Variants in ARHGAP24 observed in about 807,000 individuals in gnomAD.
ARHGAP24 encodes the protein Rho GTPase activating protein 24, also known as rho GTPase-activating protein 24.
ARHGAP24 carries 50 observed loss-of-function variants against 76.4 expected under a neutral mutation model. That is an observed-to-expected ratio of 0.65 (90% CI 0.52 to 0.83). ARHGAP24 has a LOEUF of 0.83. Among genes scored for constraint, ARHGAP24 ranks in the 40% least tolerant of loss-of-function variants. The probability of loss-of-function intolerance (pLI) is 0.00; values close to 1 mark genes in which losing one functional copy is unlikely to be tolerated. For missense variants in ARHGAP24, 930 were observed against 914.2 expected (o/e 1.02, Z -0.22); for synonymous variants, 345 against 323.3 (o/e 1.07, Z -0.72).
At chr4:85,642,122 C>A (rs1721546726) in intron 2 of ARHGAP24, among the ~76,000 whole-genome samples, 1 of 152,022 alleles carries the variant, frequency 6.6e-6, no homozygotes, top group South Asian at 2.1e-4. Context: ...TGTAAAATTT[C>A]TTTACAGCCA....
At chr4:85,829,806 T>C (rs139741626) in intron 3 of ARHGAP24, among the ~76,000 whole-genome samples, 1 of 152,348 alleles carries the variant, frequency 6.6e-6, no homozygotes, top group African/African-American at 2.4e-5. Context: ...GTGGCATCCA[T>C]GTGAACCCAT....
intron 3 of ARHGAP24, among the ~76,000 whole-genome samples, chr4:85,848,062 A>G (rs775415098): frequency 6.6e-6 from 1 of 152,190 alleles, no homozygotes; most frequent in Non-Finnish European, 1.5e-5. Context: ...TTCACCACAC[A>G]ATCTATACAG....
At chr4:85,977,790 T>G in intron 8 of ARHGAP24, 99 bp downstream of exon 8, 2 of 1,408,560 alleles carry the variant, frequency 1.4e-6, no homozygotes, top group Non-Finnish European at 2.0e-6. Flanking sequence ...AGGTAATAAG[T>G]GAATACATGG....
chr4:85,920,953 G>A (rs1001361242), intron 3 of ARHGAP24, among the ~76,000 whole-genome samples: 2 of 152,262 alleles, frequency 1.3e-5, no homozygotes, highest in Non-Finnish European at 2.9e-5. Flanking sequence ...GTTCAACAAT[G>A]TGGAAGACAG....
chr4:85,601,728 AAATT>A (rs1560548193), intron 2 of ARHGAP24, among the ~76,000 whole-genome samples: 1 of 152,036 alleles, frequency 6.6e-6, no homozygotes, highest in African/African-American at 2.4e-5. Flanking sequence ...CAAATATTTT[AAATT>A]AATTAATTAA....
chr4:85,662,384 T>TTTGTTTGA (rs1358758013), intron 2 of ARHGAP24, among the ~76,000 whole-genome samples: 1 of 150,956 alleles, frequency 6.6e-6, no homozygotes, highest in African/African-American at 2.5e-5. Flanking sequence ...TTATTGTAAA[T>TTTGTTTGA]TTGTTTGAGT....
At chr4:85,537,350 T>C (rs1456264979) in intron 1 of ARHGAP24, among the ~76,000 whole-genome samples, 1 of 152,140 alleles carries the variant, frequency 6.6e-6, no homozygotes, top group Non-Finnish European at 1.5e-5. Context: ...CCATTTATAT[T>C]CCAACATTCT....
chr4:85,548,368 A>G (rs902977835), intron 1 of ARHGAP24, among the ~76,000 whole-genome samples: 1 of 152,196 alleles, frequency 6.6e-6, no homozygotes, highest in East Asian at 1.9e-4. Flanking sequence ...AGCCAGAAGC[A>G]TTAGTGAATA....
chr4:85,518,254 A>G lies in ARHGAP24; in HGVS notation c.-21+42695A>G, dbSNP rs184124834. On this transcript the variant is annotated intron_variant, in intron 1 of 9. Coordinates refer to ENST00000395184, the MANE Select transcript of ARHGAP24 (RefSeq NM_001025616.3). ...AAGAATTGGTGCTTAGAGGCAGAAA[A>G]TCTTTAGCTAACTAGGAAAATTGAC... Among the ~76,000 whole-genome samples, 7 of 152,258 alleles carry G rather than the reference A, an allele frequency of 4.6e-5. No individual in the cohort carries two copies. In the East Asian group the frequency reaches 1.3e-3, roughly 29 times the overall value.
intron 2 of ARHGAP24, among the ~76,000 whole-genome samples, chr4:85,601,783 A>G (rs1720037381): frequency 1.3e-5 from 2 of 152,134 alleles, no homozygotes; most frequent in Non-Finnish European, 2.9e-5. Context: ...TAAACATAAA[A>G]GGAAATAACT....
At chr4:85,554,837 ATTTT>A (rs61380938) in intron 1 of ARHGAP24, among the ~76,000 whole-genome samples, 69,950 of 146,094 alleles carry the variant, frequency 0.48, 17,828 homozygotes, top group Non-Finnish European at 0.58. Context: ...CGCCCAGCTG[ATTTT>A]TTTTTTTTTT....
intron 3 of ARHGAP24, among the ~76,000 whole-genome samples, chr4:85,847,134 A>G (rs1444348104): frequency 6.6e-6 from 1 of 152,186 alleles, no homozygotes; most frequent in Non-Finnish European, 1.5e-5. Context: ...TTTTTATAAT[A>G]ATACTTCAAT....
At chr4:85,711,358 G>A (rs77075706) in intron 2 of ARHGAP24, among the ~76,000 whole-genome samples, 3,788 of 152,094 alleles carry the variant, frequency 0.025, 56 homozygotes, top group South Asian at 0.057. Context: ...ACCCGGACAC[G>A]TACCCCTGAA....
At chr4:85,714,133 T>C (rs1409488429) in intron 2 of ARHGAP24, among the ~76,000 whole-genome samples, 1 of 152,148 alleles carries the variant, frequency 6.6e-6, no homozygotes, top group Non-Finnish European at 1.5e-5. Context: ...AGATTGGTGA[T>C]GGCTATGCTC....
chr4:85,738,878 G>A (rs1725705020), intron 3 of ARHGAP24, among the ~76,000 whole-genome samples: 1 of 152,102 alleles, frequency 6.6e-6, no homozygotes, highest in South Asian at 2.1e-4. Context: ...TCTCCCTCTG[G>A]TTGAGTCAGC....
chr4:85,556,340 G>C (rs1404956192), intron 1 of ARHGAP24, among the ~76,000 whole-genome samples: 1 of 152,182 alleles, frequency 6.6e-6, no homozygotes, highest in Admixed American at 6.5e-5. Flanking sequence ...GGAATTCTCA[G>C]TTGCGGGTGG....
intron 3 of ARHGAP24, among the ~76,000 whole-genome samples, chr4:85,836,539 C>A (rs1254673217): frequency 6.6e-6 from 1 of 152,160 alleles, no homozygotes; most frequent in Non-Finnish European, 1.5e-5. Context: ...GTCCCTATTT[C>A]CCCTTTTTAT....
intron 4 of ARHGAP24, chr4:85,930,229 C>T: frequency 1.0e-6 from 1 of 985,124 alleles, no homozygotes; most frequent in Non-Finnish European, 1.2e-6. Flanking sequence ...TCCAAAGAGC[C>T]TCTTGGAATG....
intron 2 of ARHGAP24, among the ~76,000 whole-genome samples, chr4:85,643,560 T>C (rs1236480365): frequency 6.6e-6 from 1 of 151,988 alleles, no homozygotes; most frequent in Non-Finnish European, 1.5e-5. Context: ...GCCCGGCCTT[T>C]TTTTGTGTTT....
Sources: gnomAD v4.1 joint callset for allele counts (sites outside exome capture counted in the v4.1 genomes callset) on GRCh38, gnomAD v4.1.1 for gene constraint, MANE v1.5 for transcripts, NCBI Gene and HGNC (gene_info 2026-07-23, HGNC 2026-07-21) for gene names.